Variants in POU2AF1 observed in about 807,000 individuals in gnomAD.
The protein encoded by POU2AF1 is POU class 2 homeobox associating factor 1, also known as POU domain class 2-associating factor 1.
POU2AF1 carries 12 observed loss-of-function variants against 26.3 expected under a neutral mutation model. That is an observed-to-expected ratio of 0.46 (90% CI 0.29 to 0.74). POU2AF1 has a LOEUF of 0.74. Ranked by LOEUF, POU2AF1 falls within the 30% of genes least tolerant of loss-of-function variation. The probability of loss-of-function intolerance (pLI) is 0.09; values close to 1 mark genes in which losing one functional copy is unlikely to be tolerated. For synonymous variants in POU2AF1, 175 were observed against 148.0 expected (o/e 1.18, Z -1.32); for missense variants, 297 against 334.5 (o/e 0.89, Z 0.87).
chr11:111,354,691 C>A, intron 4 of POU2AF1, 116 bp from the exon 5 acceptor site: 2 of 949,594 alleles, frequency 2.1e-6, no homozygotes, highest in Non-Finnish European at 2.9e-6. Flanking sequence ...CCTGGTTTCT[C>A]ACTTCATGGG....
At chr11:111,359,591 T>C (rs1032261356) in intron 1 of POU2AF1, among the ~76,000 whole-genome samples, 11 of 152,216 alleles carry the variant, frequency 7.2e-5, no homozygotes, top group Non-Finnish European at 1.5e-4. Context: ...AGTTTCTTTA[T>C]CAAAGGAATA....
chr11:111,356,854 G>T (rs1376838667), intron 4 of POU2AF1, among the ~76,000 whole-genome samples: 1 of 152,146 alleles, frequency 6.6e-6, no homozygotes, highest in East Asian at 1.9e-4. Flanking sequence ...GGACACTGAG[G>T]CTCAGAGAGT....
chr11:111,372,862 G>T (rs576703606), intron 1 of POU2AF1, among the ~76,000 whole-genome samples: 7 of 152,162 alleles, frequency 4.6e-5, no homozygotes, highest in Non-Finnish European at 7.4e-5. Context: ...AAGGGGCAGC[G>T]ATCAGGAGGC....
chr11:111,368,777 A>T (rs989929938), intron 1 of POU2AF1, among the ~76,000 whole-genome samples: 4 of 152,220 alleles, frequency 2.6e-5, no homozygotes, highest in Admixed American at 6.5e-5. Flanking sequence ...TGTGTGCCTC[A>T]GTTTCCCCAT....
At chr11:111,362,004 C>T (rs1285103710) in intron 1 of POU2AF1, among the ~76,000 whole-genome samples, 1 of 152,176 alleles carries the variant, frequency 6.6e-6, no homozygotes, top group Non-Finnish European at 1.5e-5. Context: ...GGGTGAGTCA[C>T]TCTTGCACAA....
chr11:111,372,055 C>CAGAGAGAGAG (rs1469970188), intron 1 of POU2AF1, among the ~76,000 whole-genome samples: 1 of 137,688 alleles, frequency 7.3e-6, no homozygotes, highest in African/African-American at 2.9e-5. Context: ...CACACACACA[C>CAGAGAGAGAG]ACACACACAC....
At position 111,352,347 on chromosome 11, in the gene POU2AF1, C is replaced by T. The variant is rs1476148890; in HGVS notation, c.*1914G>A. 5.4e-6 allele frequency: 1 copy of T among 183,516 alleles called. No individual in the cohort carries two copies. The highest frequency in any genetic ancestry group is 2.0e-4 in the South Asian group (1 of 5,076). 11.4% of individuals were successfully genotyped at this position (183,516 alleles called of 1,614,324 possible). ...AGTCATTTCCCAGAAAAGTCCATGA[C>T]TTCTACATGGATTCTACCAACTGAA... On this transcript the variant is annotated 3_prime_UTR_variant, in exon 5 of 5. Transcript: ENST00000393067.
chr11:111,355,233 C>G (rs574396914), intron 4 of POU2AF1, among the ~76,000 whole-genome samples: 1 of 152,198 alleles, frequency 6.6e-6, no homozygotes. Context: ...ACATCCTCAT[C>G]GTCCTCTGTC....
chr11:111,359,481 C>T (rs1191855146), intron 1 of POU2AF1: 1 of 180,726 alleles, frequency 5.5e-6, no homozygotes, highest in Admixed American at 5.3e-5. Flanking sequence ...AGAGCAGGGA[C>T]TCTGAGCCAG....
In POU2AF1 at chr11:111,357,846, G is replaced by A; in HGVS notation, c.148-9C>T. ...TGATGGGGCAGCACCACCTAGAGGG[G>A]AGAGGAGAAGACCAGGGTCAATGTT... On this transcript the variant is annotated splice_polypyrimidine_tract_variant and intron_variant, in intron 2 of 4. Transcript: ENST00000393067. The A allele has an allele frequency of 6.2e-7, 1 of 1,603,958 alleles. No homozygotes were observed. The highest frequency in any genetic ancestry group is 1.3e-5 in the African/African-American group (1 of 74,312).
rs150163695 is a variant in POU2AF1 at position 111,358,444 on chromosome 11, A to T, written c.147+344T>A. ...CGCTCACACTCTCACACTCACTCTC[A>T]CACACACACACTCTCTCACACACAT... On this transcript the variant is annotated intron_variant, in intron 2 of 4. Coordinates refer to ENST00000393067, the MANE Select transcript of POU2AF1 (RefSeq NM_006235.3). 5.0e-5 allele frequency among the ~76,000 whole-genome samples: 3 copies of T among 60,310 alleles called. 1 individual carries two copies. Among genetic ancestry groups the T allele is most frequent in the Non-Finnish European group, 7.9e-5 (2 of 25,476 alleles). The allele number at this position is 60,310 out of a possible 152,430, so 39.6% of individuals were successfully genotyped here. A position where few individuals can be genotyped will look rare whatever the true frequency, so the allele number is the denominator to read the frequency against.
At chr11:111,355,634 G>T (rs1165382204) in intron 4 of POU2AF1, among the ~76,000 whole-genome samples, 1 of 152,190 alleles carries the variant, frequency 6.6e-6, no homozygotes, top group Non-Finnish European at 1.5e-5. Flanking sequence ...AGGAAGTCTA[G>T]AGTGGGGCCT....
intron 4 of POU2AF1, among the ~76,000 whole-genome samples, chr11:111,356,945 A>G (rs1179485720): frequency 6.6e-6 from 1 of 152,272 alleles, no homozygotes; most frequent in Non-Finnish European, 1.5e-5. Context: ...CAGTAGAGAC[A>G]GAACTTTAAA....
intron 1 of POU2AF1, among the ~76,000 whole-genome samples, chr11:111,366,594 C>T (rs1861109268): frequency 1.3e-5 from 2 of 152,140 alleles, no homozygotes; most frequent in Non-Finnish European, 2.9e-5. Context: ...TTCTAAAAGA[C>T]TATTCCTTCC....
At chr11:111,357,948 C>T in intron 2 of POU2AF1, 111 bp from the exon 3 acceptor site, 3 of 1,207,284 alleles carry the variant, frequency 2.5e-6, no homozygotes, top group Admixed American at 2.9e-5. Context: ...ATAGGAATCT[C>T]TCTGGTTAGA....
Position 111,358,334 on chromosome 11 carries a change from ACTCTCACACTCT to A in POU2AF1, c.147+442_147+453del, listed in dbSNP as rs1331956429. Among the ~76,000 whole-genome samples the A allele has an allele frequency of 5.0e-4, 24 of 48,080 alleles. No individual in the cohort carries two copies. The Admixed American group carries it at 5.7e-3, about 11-fold the overall frequency. The allele number at this position is 48,080 out of a possible 152,430, so 31.5% of individuals were successfully genotyped here. A position where few individuals can be genotyped will look rare whatever the true frequency, so the allele number is the denominator to read the frequency against. On this transcript the variant is annotated intron_variant, in intron 2 of 4. Coordinates refer to ENST00000393067, the MANE Select transcript of POU2AF1 (RefSeq NM_006235.3). ...CTCTCACACACGTACTCTCTCACAC[ACTCTCACACTCT>A]CACACTCACACTCTCACACACTCAC...
chr11:111,357,707 G>A lies in POU2AF1; in HGVS notation c.194C>T (p.Pro65Leu). The A allele has an allele frequency of 1.9e-6, 3 of 1,612,298 alleles. No homozygotes were observed. Among genetic ancestry groups the A allele is most frequent in the Non-Finnish European group, 2.5e-6 (3 of 1,179,134 alleles). Residue 65 changes from proline (P) to leucine (L), a missense_variant, in exon 4 of 5, where the codon CCT becomes CTT. Coordinates refer to ENST00000393067, the MANE Select transcript of POU2AF1 (RefSeq NM_006235.3). ...QPLATYTTVGPSCLDMEGSVS... is the reference protein window; with the variant it reads ...QPLATYTTVGLSCLDMEGSVS... Reference sequence around the variant, plus strand: ...AGAACCTTCCATGTCCAGGCAGGAAGGACCTGTGGGAAGAAGGAAATTACA... The same window carrying A: ...AGAACCTTCCATGTCCAGGCAGGAAAGACCTGTGGGAAGAAGGAAATTACA...
rs939184791 is a variant in POU2AF1 at position 111,358,981 on chromosome 11, C to G, written c.17-63G>C. The G allele has an allele frequency of 3.9e-6, 6 of 1,543,750 alleles. No homozygotes were observed. In the African/African-American group the frequency reaches 8.2e-5, roughly 21 times the overall value. ...TCAGACGAGCCCCCACCCCAAAGTG[C>G]TCATTTCCTCATGGATCTGCCTGCT... On this transcript the variant is annotated intron_variant, in intron 1 of 4. Transcript: ENST00000393067.
chr11:111,376,663 C>T (rs1339966620), intron 1 of POU2AF1, among the ~76,000 whole-genome samples: 5 of 152,100 alleles, frequency 3.3e-5, no homozygotes, highest in Non-Finnish European at 5.9e-5. Flanking sequence ...TCCAGAACCC[C>T]ATAGTACAGT....
Sources: allele counts gnomAD v4.1 joint callset (sites outside exome capture counted in the v4.1 genomes callset), GRCh38; gene constraint gnomAD v4.1.1; transcripts MANE v1.5; gene names NCBI Gene and HGNC (gene_info 2026-07-23, HGNC 2026-07-21).